MOV10L1: variants seen among roughly 807,000 people sequenced by gnomAD.
MOV10L1 encodes the protein RNA helicase Mov10l1.
Under a neutral mutation model 143.8 loss-of-function variants are expected in MOV10L1, and 110 were observed. The ratio of observed to expected loss-of-function variants is 0.76; its 90% CI spans 0.66 to 0.90. The LOEUF is 0.90. MOV10L1 is among the 40% of genes least tolerant of loss of function. The pLI, the probability that MOV10L1 is intolerant of heterozygous loss-of-function variation, is 0.00. For synonymous variants in MOV10L1, 593 were observed against 581.1 expected (o/e 1.02, Z -0.29); for missense variants, 1,406 against 1,526.8 (o/e 0.92, Z 1.32).
In MOV10L1 at chr22:50,142,202, G is replaced by T; in HGVS notation, c.2179+13G>T. The T allele has an allele frequency of 6.3e-7, 1 of 1,594,808 alleles. No individual in the cohort carries two copies. Among genetic ancestry groups the T allele is most frequent in the South Asian group, 1.1e-5 (1 of 88,294 alleles). On this transcript the variant is annotated intron_variant, in intron 16 of 26. Coordinates refer to ENST00000262794, the MANE Select transcript of MOV10L1 (RefSeq NM_018995.3). ...ATGAGCGATTGGGGTATGTGCTCAT[G>T]AGGGGCAAGGAGAAGAGCAACTCTG...
chr22:50,112,847 C>T (rs551791333), intron 5 of MOV10L1, among the ~76,000 whole-genome samples: 2 of 152,380 alleles, frequency 1.3e-5, no homozygotes, highest in African/African-American at 4.8e-5. Context: ...ATCCCCACCC[C>T]GTCCATCAGC....
chr22:50,105,577 A>G (rs780918369), intron 3 of MOV10L1, among the ~76,000 whole-genome samples: 8 of 152,220 alleles, frequency 5.3e-5, no homozygotes, highest in Non-Finnish European at 1.0e-4. Flanking sequence ...ACAATTTGCA[A>G]AAGTTATCAA....
intron 3 of MOV10L1, among the ~76,000 whole-genome samples, chr22:50,105,355 G>A (rs141424920): frequency 0.037 from 5,671 of 152,172 alleles, 154 homozygotes; most frequent in Admixed American, 0.082. Flanking sequence ...CCTTCTCAGC[G>A]TCTCAGGGCC....
intron 10 of MOV10L1, among the ~76,000 whole-genome samples, chr22:50,122,934 C>T (rs932206164): frequency 1.3e-5 from 2 of 152,060 alleles, no homozygotes; most frequent in Admixed American, 1.3e-4. Context: ...ACAATCCTCC[C>T]GCCTTGGCCT....
Position 50,114,432 on chromosome 22 carries a change from G to C in MOV10L1, c.936G>C (p.Trp312Cys), listed in dbSNP as rs1307174724. ...QNLVSCKLAG[W>C]DKSKQFRFQM... The stretch of plus-strand genomic sequence containing the variant: ...TAGTCAGCTGTAAACTGGCTGGCTG[G>C]GATAAATCTAAACAATTCAGATTCC... Residue 312 changes from tryptophan (W) to cysteine (C), a missense_variant, in exon 7 of 27, where the codon TGG becomes TGC. By Grantham distance (215) the Trp-to-Cys change is radical. Around this residue, in one of 3 missense-constraint regions of MOV10L1, gnomAD observed 1,233 missense variants for 1,351.4 expected, o/e 0.91. Coordinates refer to ENST00000262794, the MANE Select transcript of MOV10L1 (RefSeq NM_018995.3). The C allele has an allele frequency of 1.2e-6, 2 of 1,614,010 alleles. No homozygotes were observed. The highest frequency in any genetic ancestry group is 1.7e-6 in the Non-Finnish European group (2 of 1,180,034).
chr22:50,090,973 A>G (rs2062422875), intron 1 of MOV10L1: 1 of 184,338 alleles, frequency 5.4e-6, no homozygotes, highest in African/African-American at 2.4e-5. Context: ...ACCACGCCCG[A>G]CCTCTCCCGA....
At chr22:50,125,325 C>G in intron 10 of MOV10L1, 67 bp from the exon 11 acceptor site, 2 of 1,501,720 alleles carry the variant, frequency 1.3e-6, no homozygotes, top group African/African-American at 1.4e-5. Flanking sequence ...TTTCCTGCTC[C>G]GGAGCTGCTA....
chr22:50,140,803 A>G (rs1215622315), intron 15 of MOV10L1, among the ~76,000 whole-genome samples: 8 of 151,724 alleles, frequency 5.3e-5, no homozygotes, highest in African/African-American at 1.9e-4. Context: ...GCTCACTGCA[A>G]CCTTGACCTC....
rs2063496244 is a variant in MOV10L1 at position 50,159,176 on chromosome 22, C to T, written c.3217-502C>T. 1.3e-5 allele frequency: 2 copies of T among 152,180 alleles called. No homozygotes were observed. Among genetic ancestry groups the T allele is most frequent in the Admixed American group, 1.3e-4 (2 of 15,276 alleles). The allele number at this position is 152,180 out of a possible 1,614,324, so 9.4% of individuals were successfully genotyped here. A position where few individuals can be genotyped will look rare whatever the true frequency, so the allele number is the denominator to read the frequency against. Reference sequence around the variant, plus strand: ...ACTTGGCTTTCCTAGTAAGCATTGTCCCCCGTCCCCAGTTTAACTAAAACT... The same window carrying T: ...ACTTGGCTTTCCTAGTAAGCATTGTTCCCCGTCCCCAGTTTAACTAAAACT... On this transcript the variant is annotated intron_variant, in intron 23 of 26. Coordinates refer to ENST00000262794, the MANE Select transcript of MOV10L1 (RefSeq NM_018995.3). The surrounding 1 kb of genome is among the most constrained non-coding windows in gnomAD (Gnocchi z 4.1).
chr22:50,090,070 C>G lies in MOV10L1; in HGVS notation c.-19C>G, dbSNP rs1006849193. 1.9e-5 allele frequency: 24 copies of G among 1,231,486 alleles called. No homozygotes were observed. Among genetic ancestry groups the G allele is most frequent in the Middle Eastern group, 2.9e-4 (1 of 3,476 alleles). 76.3% of individuals were successfully genotyped at this position (1,231,486 alleles called of 1,614,324 possible). A position where few individuals can be genotyped will look rare whatever the true frequency, so the allele number is the denominator to read the frequency against. On this transcript the variant is annotated 5_prime_UTR_variant, in exon 1 of 27. Transcript: ENST00000262794. The stretch of plus-strand genomic sequence containing the variant: ...GCGGCGGCAGCGGCGGTGACGGCAG[C>G]CTAGGCCGGGCGAGGGCCATGCTGA...
chr22:50,143,658 A>G (rs1371434460), intron 17 of MOV10L1, among the ~76,000 whole-genome samples: 1 of 152,242 alleles, frequency 6.6e-6, no homozygotes, highest in African/African-American at 2.4e-5. Flanking sequence ...TCATCAAGGC[A>G]TGATCCCTTG....
intron 15 of MOV10L1, among the ~76,000 whole-genome samples, chr22:50,140,284 C>T (rs2062942871): frequency 6.6e-6 from 1 of 152,222 alleles, no homozygotes; most frequent in Non-Finnish European, 1.5e-5. Context: ...CACAAGGCGG[C>T]TCTGGGGACT....
intron 22 of MOV10L1, among the ~76,000 whole-genome samples, chr22:50,155,118 A>G (rs1055281883): frequency 2.0e-5 from 3 of 152,202 alleles, no homozygotes; most frequent in African/African-American, 2.4e-5. Flanking sequence ...AGTTTCTGCT[A>G]TAAGTTTCCA....
intron 3 of MOV10L1, among the ~76,000 whole-genome samples, chr22:50,105,006 C>T (rs567271250): frequency 1.3e-5 from 2 of 152,076 alleles, no homozygotes; most frequent in African/African-American, 2.4e-5. Flanking sequence ...GTCCTCCCAC[C>T]TCAGCCTCCC....
chr22:50,128,304 C>T, intron 12 of MOV10L1, 112 bp from the exon 13 acceptor site: 1 of 650,006 alleles, frequency 1.5e-6, no homozygotes, highest in Non-Finnish European at 2.8e-6. Context: ...ACTAATTTTG[C>T]AGATATCAAA....
Position 50,158,284 on chromosome 22 carries a change from C to A in MOV10L1, c.3216+78C>A. On this transcript the variant is annotated intron_variant, in intron 23 of 26. Transcript: ENST00000262794. This position sits in a 1 kb window ranked among gnomAD's most constrained non-coding sequence, Gnocchi z 5.0. Reference sequence around the variant, plus strand: ...CTTGGCTCCTGCAGCTCCACAGAGGCAGGAACAAGCTCCTTGTGAGCAGCA... The same window carrying A: ...CTTGGCTCCTGCAGCTCCACAGAGGAAGGAACAAGCTCCTTGTGAGCAGCA... 1.3e-6 allele frequency: 2 copies of A among 1,555,108 alleles called. No individual in the cohort carries two copies. Among genetic ancestry groups the A allele is most frequent in the Non-Finnish European group, 1.8e-6 (2 of 1,137,276 alleles).
intron 12 of MOV10L1, 138 bp from the exon 13 acceptor site, chr22:50,128,278 G>C (rs369769364): frequency 3.3e-6 from 2 of 604,218 alleles, no homozygotes; most frequent in Non-Finnish European, 6.0e-6. Flanking sequence ...ATGGCGTAAT[G>C]ATTTAATCCT....
chr22:50,144,053 G>A lies in MOV10L1; in HGVS notation c.2359-44G>A, dbSNP rs115059170. The A allele has an allele frequency of 1.2e-3, 1,924 of 1,584,586 alleles. 22 individuals are homozygous for A. In the African/African-American group the frequency reaches 0.021, roughly 17 times the overall value. ...GTTAGACTCCTGGTTTCCACCTTGC[G>A]GTGTGGATGTTGAGCCTTGGTCTCT... On this transcript the variant is annotated intron_variant, in intron 17 of 26. Transcript: ENST00000262794.
rs754608936 is a variant in MOV10L1, at chr22:50,149,713, AG to A, written c.2727+1del. The A allele has an allele frequency of 9.3e-6, 15 of 1,613,030 alleles. No homozygotes were observed. Among genetic ancestry groups the A allele is most frequent in the Non-Finnish European group, 1.3e-5 (15 of 1,179,428 alleles). ...PLGLMSDISGQIVLAGDPMQL... is the reference protein window; with the variant it reads ...PLGLMSDISGXIVLAGDPMQL... ...GGGCTGATGTCGGACATCAGTGGCC[AG>A]GTAAGTCCCGACTACTGTGTGTGCT... On this transcript the variant is annotated frameshift_variant and splice_region_variant, in exon 20 of 27. Transcript: ENST00000262794. LOFTEE classifies it high-confidence loss of function.
Sources: allele counts gnomAD v4.1 joint callset (sites outside exome capture counted in the v4.1 genomes callset), GRCh38; gene constraint gnomAD v4.1.1; regional missense constraint gnomAD v4.1.1; non-coding constraint Gnocchi (gnomAD v3.1); transcripts MANE v1.5; gene names NCBI Gene and HGNC (gene_info 2026-07-23, HGNC 2026-07-21).